The following BRIP1 variants were observed in gnomAD, a reference collection of about 807,000 sequenced individuals.
The protein encoded by BRIP1 is BRCA1 interacting DNA helicase 1, also known as Fanconi anemia group J protein.
BRIP1 carries 88 observed loss-of-function variants against 119.7 expected under a neutral mutation model. The observed-to-expected ratio is 0.74, with a 90% CI of 0.62 to 0.88. The LOEUF (loss-of-function observed/expected upper bound fraction) is 0.88, where lower values mean the gene tolerates loss of function less well. Among genes scored for constraint, BRIP1 ranks in the 40% least tolerant of loss-of-function variants. BRIP1 has a pLI of 0.00. For synonymous variants in BRIP1, 443 were observed against 496.5 expected (o/e 0.89, Z 1.43); for missense variants, 1,259 against 1,455.4 (o/e 0.87, Z 2.20).
rs554075301 is a variant in BRIP1, at chr17:61,834,235, G to A, written c.627+12866C>T. ...ATACTATAATCCTAATTTTGTGTGT[G>A]GGGAGGGAGTATATATGTAATATAT... On this transcript the variant is annotated intron_variant, in intron 6 of 19. Coordinates refer to ENST00000259008, the MANE Select transcript of BRIP1 (RefSeq NM_032043.3). This position sits in a 1 kb window ranked among gnomAD's most constrained non-coding sequence, Gnocchi z 4.4. Among the ~76,000 whole-genome samples the A allele has an allele frequency of 6.6e-6, 1 of 152,140 alleles. No individual in the cohort carries two copies. The highest frequency in any genetic ancestry group is 2.1e-4 in the South Asian group (1 of 4,822).
Position 61,861,044 on chromosome 17 carries a change from A to T in BRIP1, c.93+403T>A, listed in dbSNP as rs1484683268. Among the ~76,000 whole-genome samples, 2 of 152,224 alleles carry T rather than the reference A, an allele frequency of 1.3e-5. No individual in the cohort carries two copies. The highest frequency in any genetic ancestry group is 2.9e-5 in the Non-Finnish European group (2 of 68,018). On this transcript the variant is annotated intron_variant, in intron 2 of 19. Coordinates refer to ENST00000259008, the MANE Select transcript of BRIP1 (RefSeq NM_032043.3). The surrounding 1 kb of genome is among the most constrained non-coding windows in gnomAD (Gnocchi z 4.5). Reference sequence around the variant, plus strand: ...TACCAGTAAATAAGATATGAAGTACATATGGCAAAATAGCTGTAACAAAAC... The same window carrying T: ...TACCAGTAAATAAGATATGAAGTACTTATGGCAAAATAGCTGTAACAAAAC...
chr17:61,855,478 C>T (rs1314905607), intron 4 of BRIP1, among the ~76,000 whole-genome samples: 1 of 150,536 alleles, frequency 6.6e-6, no homozygotes, highest in Non-Finnish European at 1.5e-5. Context: ...ACTTGGGAGG[C>T]TGAGGCAGGA....
rs1280375865 is a variant in BRIP1, at chr17:61,825,328, C to T, written c.628-16571G>A. Among the ~76,000 whole-genome samples, 1 of 151,474 alleles carries T rather than the reference C, an allele frequency of 6.6e-6. No individual in the cohort carries two copies. Among genetic ancestry groups the T allele is most frequent in the Admixed American group, 6.6e-5 (1 of 15,162 alleles). ...AAAGAAAAGAAAAGAAAAGGAAGCC[C>T]TCTCTCACCACTCTTATTAAACATA... is the stretch of plus-strand genomic sequence containing the variant. On this transcript the variant is annotated intron_variant, in intron 6 of 19. Coordinates refer to ENST00000259008, the MANE Select transcript of BRIP1 (RefSeq NM_032043.3). The surrounding 1 kb of genome is among the most constrained non-coding windows in gnomAD (Gnocchi z 4.1).
chr17:61,784,252 C>T lies in BRIP1; in HGVS notation c.1628+18G>A, dbSNP rs1005163267. The T allele has an allele frequency of 6.2e-7, 1 of 1,604,250 alleles. No homozygotes were observed. The highest frequency in any genetic ancestry group is 2.2e-5 in the East Asian group (1 of 44,730). On this transcript the variant is annotated intron_variant, in intron 11 of 19. Coordinates refer to ENST00000259008, the MANE Select transcript of BRIP1 (RefSeq NM_032043.3). Reference sequence around the variant, plus strand: ...GCTATTTTTAAAAGGAAAATACATACTAGTTATCTTCACTTACCTGCTATT... The same window carrying T: ...GCTATTTTTAAAAGGAAAATACATATTAGTTATCTTCACTTACCTGCTATT...
Position 61,715,903 on chromosome 17 carries a change from A to G in BRIP1, c.2492+48T>C, listed in dbSNP as rs1343045674. ...TAAAGTAGCAAGACTAGATTTATAT[A>G]TATAGCCCTGTCACAGATAATATTA... On this transcript the variant is annotated intron_variant, in intron 17 of 19. Coordinates refer to ENST00000259008, the MANE Select transcript of BRIP1 (RefSeq NM_032043.3). 5 of 1,231,290 alleles carry G rather than the reference A, an allele frequency of 4.1e-6. No individual in the cohort carries two copies. In the African/African-American group the frequency reaches 6.0e-5, roughly 15 times the overall value. 76.3% of individuals were successfully genotyped at this position (1,231,290 alleles called of 1,614,324 possible).
intron 16 of BRIP1, among the ~76,000 whole-genome samples, chr17:61,716,839 G>GGAAATAATATGCTTCCATATTTTTTC (rs2061886686): frequency 1.2e-4 from 2 of 16,398 alleles, no homozygotes; most frequent in African/African-American, 3.6e-4. Flanking sequence ...TGGATTATTA[G>GGAAATAATATGCTTCCATATTTTTTC]CTATGTCTTT....
At chr17:61,777,875 C>A (rs2077558622) in intron 13 of BRIP1, among the ~76,000 whole-genome samples, 2 of 151,702 alleles carry the variant, frequency 1.3e-5, no homozygotes, top group South Asian at 4.2e-4. Context: ...CCCCCAAGCC[C>A]TCCCCAGAGG....
In BRIP1 at chr17:61,789,471, T is replaced by C. The variant is rs1259512843; in HGVS notation, c.1473+4126A>G. Among the ~76,000 whole-genome samples, 2 of 152,126 alleles carry C rather than the reference T, an allele frequency of 1.3e-5. No individual in the cohort carries two copies. Among genetic ancestry groups the C allele is most frequent in the Non-Finnish European group, 2.9e-5 (2 of 68,026 alleles). ...ATGAATCCAAGGCTTTGTAAAAGTA[T>C]TTATAAATCCCATCCTTTATAAACA... On this transcript the variant is annotated intron_variant, in intron 10 of 19. Transcript: ENST00000259008. The surrounding 1 kb of genome is among the most constrained non-coding windows in gnomAD (Gnocchi z 4.8).
chr17:61,780,512 G>C lies in BRIP1; in HGVS notation c.1795-111C>G, dbSNP rs1567812884. The C allele has an allele frequency of 6.1e-6, 6 of 976,590 alleles. No individual in the cohort carries two copies. Among genetic ancestry groups the C allele is most frequent in the Non-Finnish European group, 9.7e-6 (6 of 620,954 alleles). The allele number at this position is 976,590 out of a possible 1,614,324, so 60.5% of individuals were successfully genotyped here. A position where few individuals can be genotyped will look rare whatever the true frequency, so the allele number is the denominator to read the frequency against. ...GGAGGCTGAAGCAGGAAGATCGCTT[G>C]AGTCTAGGAGTCTGAGACCAGCCTG... On this transcript the variant is annotated intron_variant, in intron 12 of 19. Coordinates refer to ENST00000259008, the MANE Select transcript of BRIP1 (RefSeq NM_032043.3). This position sits in a 1 kb window ranked among gnomAD's most constrained non-coding sequence, Gnocchi z 5.4.
intron 10 of BRIP1, among the ~76,000 whole-genome samples, chr17:61,792,205 C>T (rs971535713): frequency 6.6e-6 from 1 of 152,164 alleles, no homozygotes; most frequent in African/African-American, 2.4e-5. Flanking sequence ...CTCAGCCTCC[C>T]AAGTAGCTGG....
rs921055535 is a variant in BRIP1, at chr17:61,778,241, AAATAT to A, written c.1936-1684_1936-1680del. 2.0e-5 allele frequency among the ~76,000 whole-genome samples: 3 copies of A among 152,214 alleles called. No individual in the cohort carries two copies. Among genetic ancestry groups the A allele is most frequent in the African/African-American group, 7.2e-5 (3 of 41,454 alleles). On this transcript the variant is annotated intron_variant, in intron 13 of 19. Coordinates refer to ENST00000259008, the MANE Select transcript of BRIP1 (RefSeq NM_032043.3). The surrounding 1 kb of genome is among the most constrained non-coding windows in gnomAD (Gnocchi z 4.4). Reference sequence around the variant, plus strand: ...AAAATAAGCCAGTCACAAAAACGACAAATATTTTATGATTCCACTTATATGAAGTA... The same window carrying A: ...AAAATAAGCCAGTCACAAAAACGACATTTATGATTCCACTTATATGAAGTA...
In BRIP1 at chr17:61,684,133, T is replaced by C. The variant is rs1603275716; in HGVS notation, c.2913A>G (p.Pro971=). 2 of 1,613,614 alleles carry C rather than the reference T, an allele frequency of 1.2e-6. No individual in the cohort carries two copies. Among genetic ancestry groups the C allele is most frequent in the Non-Finnish European group, 1.7e-6 (2 of 1,179,776 alleles). ...SIISRKEKND[P]VFLEEAGKAE... ...CTTTCCCTGCTTCTTCCAGGAATACTGGATCATCTAAGAATACAAGAATTT... is the reference window on the plus strand; with the variant it reads ...CTTTCCCTGCTTCTTCCAGGAATACCGGATCATCTAAGAATACAAGAATTT... Residue 971 remains proline, a synonymous_variant, in exon 20 of 20, where the codon CCA becomes CCG. Coordinates refer to ENST00000259008, the MANE Select transcript of BRIP1 (RefSeq NM_032043.3). The surrounding 1 kb of genome is among the most constrained non-coding windows in gnomAD (Gnocchi z 4.5).
At chr17:61,688,363 C>G (rs2061391388) in intron 18 of BRIP1, among the ~76,000 whole-genome samples, 1 of 152,052 alleles carries the variant, frequency 6.6e-6, no homozygotes, top group Non-Finnish European at 1.5e-5. Flanking sequence ...CACCTGTGGT[C>G]CCAGTTACTT....
chr17:61,726,667 A>C lies in BRIP1; in HGVS notation c.2380-10604T>G, dbSNP rs1486016878. On this transcript the variant is annotated intron_variant, in intron 16 of 19. Coordinates refer to ENST00000259008, the MANE Select transcript of BRIP1 (RefSeq NM_032043.3). The surrounding 1 kb of genome is among the most constrained non-coding windows in gnomAD (Gnocchi z 6.2). Reference sequence around the variant, plus strand: ...GCAGAATACATACAGAACAGTGTTCAAACAGTTTTGAAACAAATATTTTAA... The same window carrying C: ...GCAGAATACATACAGAACAGTGTTCCAACAGTTTTGAAACAAATATTTTAA... Among the ~76,000 whole-genome samples the C allele has an allele frequency of 6.6e-6, 1 of 152,254 alleles. No homozygotes were observed. The highest frequency in any genetic ancestry group is 1.5e-5 in the Non-Finnish European group (1 of 68,034).
rs1166163382 is a variant in BRIP1 at position 61,778,182 on chromosome 17, G to A, written c.1936-1620C>T. ...ATGATGAACTTTGAAGACATTATCT[G>A]CAACATGGACAAACCTTGAGGACAT... On this transcript the variant is annotated intron_variant, in intron 13 of 19. Transcript: ENST00000259008. The surrounding 1 kb of genome is among the most constrained non-coding windows in gnomAD (Gnocchi z 4.4). Among the ~76,000 whole-genome samples the A allele has an allele frequency of 6.6e-6, 1 of 152,138 alleles. No homozygotes were observed. The highest frequency in any genetic ancestry group is 1.5e-5 in the Non-Finnish European group (1 of 68,032).
chr17:61,710,985 G>A lies in BRIP1; in HGVS notation c.2492+4966C>T, dbSNP rs1300224814. Reference sequence around the variant, plus strand: ...GAACTTGGGTGGAGGAAGATGCAGTGAGCCAAGACTGCACCACTGCACTGG... The same window carrying A: ...GAACTTGGGTGGAGGAAGATGCAGTAAGCCAAGACTGCACCACTGCACTGG... On this transcript the variant is annotated intron_variant, in intron 17 of 19. Transcript: ENST00000259008. The surrounding 1 kb of genome is among the most constrained non-coding windows in gnomAD (Gnocchi z 5.4). 2.1e-5 allele frequency among the ~76,000 whole-genome samples: 3 copies of A among 145,420 alleles called. No homozygotes were observed. The highest frequency in any genetic ancestry group is 4.5e-5 in the Non-Finnish European group (3 of 67,046).
chr17:61,801,497 G>GA, intron 7 of BRIP1, 23 bp from the exon 8 acceptor site: 1 of 1,530,310 alleles, frequency 6.5e-7, no homozygotes, highest in African/African-American at 1.4e-5. Context: ...ATGCATAACT[G>GA]AAATGTGAAC....
intron 13 of BRIP1, among the ~76,000 whole-genome samples, chr17:61,777,670 G>C (rs561397818): frequency 3.3e-5 from 5 of 152,262 alleles, no homozygotes; most frequent in Admixed American, 1.3e-4. Context: ...CAGATAAAGA[G>C]ATGTATGTGG....
chr17:61,846,402 T>G lies in BRIP1; in HGVS notation c.627+699A>C, dbSNP rs1340890199. Among the ~76,000 whole-genome samples the G allele has an allele frequency of 1.3e-5, 2 of 151,966 alleles. No homozygotes were observed. Among genetic ancestry groups the G allele is most frequent in the African/African-American group, 2.4e-5 (1 of 41,400 alleles). Reference sequence around the variant, plus strand: ...ATAATGTATTTTTTCCTTTTTTTTTTTGAGACGGGGTCTCACTCTGTCATC... The same window carrying G: ...ATAATGTATTTTTTCCTTTTTTTTTGTGAGACGGGGTCTCACTCTGTCATC... On this transcript the variant is annotated intron_variant, in intron 6 of 19. Transcript: ENST00000259008. This position sits in a 1 kb window ranked among gnomAD's most constrained non-coding sequence, Gnocchi z 4.3.
Sources: allele counts gnomAD v4.1 joint callset (sites outside exome capture counted in the v4.1 genomes callset), GRCh38; gene constraint gnomAD v4.1.1; non-coding constraint Gnocchi (gnomAD v3.1); transcripts MANE v1.5; gene names NCBI Gene and HGNC (gene_info 2026-07-23, HGNC 2026-07-21).